The following HACL1 variants were observed in gnomAD, a reference collection of about 807,000 sequenced individuals.
HACL1 encodes the protein 2-hydroxyacyl-CoA lyase 1, also known as 1600020H07Rik.
HACL1 carries 64 observed loss-of-function variants against 74.2 expected under a neutral mutation model. That is an observed-to-expected ratio of 0.86 (90% CI 0.70 to 1.06). The LOEUF is 1.06. Ranked by LOEUF, HACL1 falls within the 50% of genes least tolerant of loss-of-function variation. The pLI is 0.00. For synonymous variants in HACL1, 230 were observed against 238.8 expected, an observed-to-expected ratio of 0.96 and a Z score of 0.34; for missense variants, 728 against 719.7, an observed-to-expected ratio of 1.01 and a Z score of -0.13.
At chr3:15,598,113 C>T (rs2064105267) in intron 2 of HACL1, among the ~76,000 whole-genome samples, 1 of 151,928 alleles carries the variant, frequency 6.6e-6, no homozygotes, top group South Asian at 2.1e-4. Context: ...CAACCTCCAC[C>T]TCCCAGGTTC....
rs781361240 is a variant in HACL1, at chr3:15,573,196, A to ACAG, written c.953_955dup (p.Ala318dup). On this transcript the variant is annotated inframe_insertion, in exon 11 of 17. Transcript: ENST00000321169. ...AGCATGTATGTTTCCTAGCAAAGTA[A>ACAG]CAGCGGGCTTTACATTATTCCCCAA... The ACAG allele has an allele frequency of 6.2e-7, 1 of 1,611,506 alleles. No homozygotes were observed. Among genetic ancestry groups the ACAG allele is most frequent in the East Asian group, 2.2e-5 (1 of 44,782 alleles).
At chr3:15,578,079 C>CA (rs1168963415) in intron 9 of HACL1, among the ~76,000 whole-genome samples, 7 of 117,032 alleles carry the variant, frequency 6.0e-5, no homozygotes, top group Admixed American at 5.9e-4. Context: ...GCCTGGGTGA[C>CA]AGAGCAAGAC....
chr3:15,585,398 C>A, intron 6 of HACL1, 56 bp from the exon 7 acceptor site: 1 of 936,014 alleles, frequency 1.1e-6, no homozygotes, highest in Non-Finnish European at 1.7e-6. Context: ...TTATCATATT[C>A]TACTCAAAGA....
chr3:15,563,640 G>A (rs1574904157), intron 15 of HACL1, 96 bp from the exon 16 acceptor site: 2 of 694,254 alleles, frequency 2.9e-6, no homozygotes, highest in Non-Finnish European at 2.5e-6. Context: ...AATTTCAGCT[G>A]AACTCAAAGG....
At chr3:15,598,941 C>A (rs139844797) in intron 2 of HACL1, among the ~76,000 whole-genome samples, 2 of 146,670 alleles carry the variant, frequency 1.4e-5, no homozygotes, top group African/African-American at 2.5e-5. Context: ...CCTCTATATT[C>A]CCAGTCTCAG....
chr3:15,592,082 A>ACG lies in HACL1; in HGVS notation c.228-403_228-402insCG, dbSNP rs1279205962. Among the ~76,000 whole-genome samples, 180 of 138,690 alleles carry ACG rather than the reference A, an allele frequency of 1.3e-3. 2 individuals carry two copies. Among genetic ancestry groups the ACG allele is most frequent in the African/African-American group, 4.9e-3 (166 of 34,040 alleles). 91.0% of individuals were successfully genotyped at this position (138,690 alleles called of 152,430 possible). On this transcript the variant is annotated intron_variant, in intron 3 of 16. Transcript: ENST00000321169. ...TATATATACGTATATACGTATACGT[A>ACG]TATATACACACACTATATACGTATA...
chr3:15,561,791 G>A (rs915810794), intron 16 of HACL1, among the ~76,000 whole-genome samples: 1 of 152,028 alleles, frequency 6.6e-6, no homozygotes, highest in Non-Finnish European at 1.5e-5. Flanking sequence ...AGTGATTCTC[G>A]TGCCTCCACC....
rs1195144949 is a variant in HACL1, at chr3:15,586,385, T to A, written c.459+140A>T. On this transcript the variant is annotated intron_variant, in intron 6 of 16. Transcript: ENST00000321169. ...ATGACAGTGAACACTAAAATGTAAA[T>A]AGCTTTCTAACAATGCCATTTTTAA... is the stretch of plus-strand genomic sequence containing the variant. The A allele has an allele frequency of 7.0e-6, 4 of 571,162 alleles. No homozygotes were observed. The East Asian group carries it at 1.3e-4, about 19-fold the overall frequency. The allele number at this position is 571,162 out of a possible 1,614,324, so 35.4% of individuals were successfully genotyped here. A position where few individuals can be genotyped will look rare whatever the true frequency, so the allele number is the denominator to read the frequency against.
intron 7 of HACL1, 31 bp downstream of exon 7, chr3:15,585,217 A>T: frequency 9.5e-7 from 1 of 1,050,188 alleles, no homozygotes; most frequent in South Asian, 1.3e-5. Context: ...ATGTACATTG[A>T]AGAAAGAATT....
rs56298314 is a variant in HACL1, at chr3:15,571,772, T to G, written c.994-3A>C. ...GTTTTATCAAGTTCCTCTAAAAGCTTAAAAAAAAAAAAACACACACACACA... is the reference window on the plus strand; with the variant it reads ...GTTTTATCAAGTTCCTCTAAAAGCTGAAAAAAAAAAAAACACACACACACA... On this transcript the variant is annotated splice_polypyrimidine_tract_variant and splice_region_variant and intron_variant, in intron 11 of 16. Transcript: ENST00000321169. 0.099 allele frequency: 82,121 copies of G among 827,938 alleles called. 2,999 individuals are homozygous for G. Among genetic ancestry groups the G allele is most frequent in the East Asian group, 0.32 (10,975 of 34,578 alleles). The allele number at this position is 827,938 out of a possible 1,614,324, so 51.3% of individuals were successfully genotyped here.
chr3:15,573,385 A>G, intron 10 of HACL1, 143 bp from the exon 11 acceptor site: 1 of 599,560 alleles, frequency 1.7e-6, no homozygotes, highest in Non-Finnish European at 2.9e-6. Context: ...TAATAAAAAA[A>G]GTAAAAGTCC....
intron 9 of HACL1, among the ~76,000 whole-genome samples, chr3:15,575,605 C>T (rs984947458): frequency 1.3e-5 from 2 of 152,062 alleles, no homozygotes; most frequent in African/African-American, 4.8e-5. Context: ...TGCAGTGGTG[C>T]AGTCATGGCT....
intron 10 of HACL1, among the ~76,000 whole-genome samples, chr3:15,574,177 T>C (rs1319745086): frequency 6.6e-6 from 1 of 152,186 alleles, no homozygotes; most frequent in Non-Finnish European, 1.5e-5. Context: ...GAGACCAGCC[T>C]GGGCAACATG....
intron 12 of HACL1, among the ~76,000 whole-genome samples, chr3:15,571,166 C>G (rs1333280729): frequency 6.6e-6 from 1 of 151,024 alleles, no homozygotes; most frequent in Non-Finnish European, 1.5e-5. Context: ...TTTGTAGAGA[C>G]AAGGTCTTGC....
At position 15,586,537 on chromosome 3, in the gene HACL1, A is replaced by G; in HGVS notation, c.447T>C (p.Phe149=). 1 of 1,583,538 alleles carries G rather than the reference A, an allele frequency of 6.3e-7. No individual in the cohort carries two copies. Among genetic ancestry groups the G allele is most frequent in the Non-Finnish European group, 8.7e-7 (1 of 1,153,808 alleles). ...TTAAATACTGTACCTTTTCAATAAC[A>G]AAAGGAATAGCTTCTATGCTGCTTG... ...ARPSSIEAIP[F]VIEKAVRSSI... Residue 149 remains phenylalanine, a synonymous_variant, in exon 6 of 17, where the codon TTT becomes TTC. Coordinates refer to ENST00000321169, the MANE Select transcript of HACL1 (RefSeq NM_012260.4).
chr3:15,569,172 G>A (rs2063481844), intron 12 of HACL1, among the ~76,000 whole-genome samples: 1 of 152,180 alleles, frequency 6.6e-6, no homozygotes, highest in Admixed American at 6.5e-5. Flanking sequence ...TTTCAGGGCT[G>A]AGAAAAAGCC....
intron 3 of HACL1, 23 bp downstream of exon 3, chr3:15,596,360 GA>G: frequency 7.4e-7 from 1 of 1,356,094 alleles, no homozygotes; most frequent in Non-Finnish European, 1.1e-6. Context: ...TAAAGTAATT[GA>G]AGTGAAACAA....
chr3:15,587,659 ATTAAC>A (rs1269967352), intron 5 of HACL1, among the ~76,000 whole-genome samples: 12 of 152,266 alleles, frequency 7.9e-5, no homozygotes, highest in African/African-American at 2.6e-4. Context: ...TTTCCTTTTA[ATTAAC>A]TTAATCTGCT....
chr3:15,593,701 T>C (rs2064000195), intron 3 of HACL1, among the ~76,000 whole-genome samples: 1 of 152,218 alleles, frequency 6.6e-6, no homozygotes, highest in Admixed American at 6.5e-5. Context: ...TTTTTTCATT[T>C]CTTAACAAAT....
Sources: gnomAD v4.1 joint callset for allele counts (sites outside exome capture counted in the v4.1 genomes callset) on GRCh38, gnomAD v4.1.1 for gene constraint, MANE v1.5 for transcripts, NCBI Gene and HGNC (gene_info 2026-07-23, HGNC 2026-07-21) for gene names.